The following ZNF469 variants were observed in gnomAD, a reference collection of about 807,000 sequenced individuals.
The protein encoded by ZNF469 is zinc finger protein 469.
In ZNF469, 1 loss-of-function variant was observed where a neutral mutation model predicts 1.0. The ratio of observed to expected loss-of-function variants is 1.00; its 90% CI spans 0.35 to 4.73. ZNF469 has a LOEUF of 4.73. Among genes scored for constraint, ZNF469 ranks in the 30% most tolerant of loss-of-function variants. The pLI, the probability that ZNF469 is intolerant of heterozygous loss-of-function variation, is 0.16. For synonymous variants in ZNF469, 2,703 were observed against 2,363.4 expected (o/e 1.14, Z -4.17); for missense variants, 6,100 against 5,356.3 (o/e 1.14, Z -4.33).
Position 88,428,937 on chromosome 16 carries a change from G to C in ZNF469, c.1467G>C (p.Pro489=). The C allele has an allele frequency of 6.5e-7, 1 of 1,546,502 alleles. No homozygotes were observed. Among genetic ancestry groups the C allele is most frequent in the Middle Eastern group, 1.7e-4 (1 of 5,986 alleles). Reference sequence around the variant, plus strand: ...CCCTGCCTTGGCCCCAAGTGCTCCCGACCGCCCGGCCAAGTCCCCACGGAA... The same window carrying C: ...CCCTGCCTTGGCCCCAAGTGCTCCCCACCGCCCGGCCAAGTCCCCACGGAA... ...SAPLPWPQVL[P]TARPSPHGME... is the part of the protein sequence containing the mutation. Residue 489 remains proline, a synonymous_variant, in exon 3 of 3, where the codon CCG becomes CCC. Transcript: ENST00000565624.
chr16:88,304,097 G>A, the ZNF469 span, among the ~76,000 whole-genome samples: 1 of 152,198 alleles, frequency 6.6e-6, no homozygotes, highest in African/African-American at 2.4e-5. Flanking sequence ...TGTTCTGGGA[G>A]GAGGACTTGC....
chr16:88,390,521 G>A (rs1287553902), intron 1 of ZNF469, among the ~76,000 whole-genome samples: 1 of 152,206 alleles, frequency 6.6e-6, no homozygotes, highest in Non-Finnish European at 1.5e-5. Flanking sequence ...AGTCTCACTT[G>A]GACACAACCT....
chr16:88,431,883 C>T lies in ZNF469; in HGVS notation c.4413C>T (p.Ser1471=), dbSNP rs776873127. 2 of 1,550,096 alleles carry T rather than the reference C, an allele frequency of 1.3e-6. No individual in the cohort carries two copies. The highest frequency in any genetic ancestry group is 2.4e-5 in the South Asian group (2 of 84,050). Residue 1471 remains serine, a synonymous_variant, in exon 3 of 3, where the codon AGC becomes AGT. Transcript: ENST00000565624. ...VDRFDPPLYG[S]LSANRDSGLP... ...GATTCGACCCACCCCTCTATGGCAG[C>T]CTGTCTGCGAACAGGGACTCCGGTC...
chr16:88,302,122 C>T, the ZNF469 span, among the ~76,000 whole-genome samples: 1 of 152,188 alleles, frequency 6.6e-6, no homozygotes, highest in African/African-American at 2.4e-5. Flanking sequence ...TCGGTCAGGA[C>T]AGTGGCCCTG....
At chr16:88,183,690 C>T in the ZNF469 span, among the ~76,000 whole-genome samples, 9 of 152,206 alleles carry the variant, frequency 5.9e-5, no homozygotes, top group African/African-American at 2.2e-4. Flanking sequence ...CCACTCTGGA[C>T]ACTTACCAAG....
Position 88,428,909 on chromosome 16 carries a change from C to G in ZNF469, c.1439C>G (p.Ala480Gly), listed in dbSNP as rs1209626070. ...CAGCGGCTCTGCCTCCCCCAGAGTG[C>G]CCCCCTGCCTTGGCCCCAAGTGCTC... ...PGQRLCLPQS[A>G]PLPWPQVLPT... The change falls in exon 3 of 3, where the codon GCC (alanine) becomes GGC (glycine). Residue 480 changes from alanine (A) to glycine (G), a missense_variant. Ala to Gly is a moderately conservative substitution (Grantham distance 60). Transcript: ENST00000565624. The G allele has an allele frequency of 2.6e-6, 4 of 1,545,770 alleles. No homozygotes were observed. The highest frequency in any genetic ancestry group is 3.9e-5 in the Admixed American group (2 of 50,844).
chr16:88,172,408 G>T, the ZNF469 span, among the ~76,000 whole-genome samples: 1 of 152,300 alleles, frequency 6.6e-6, no homozygotes, highest in East Asian at 1.9e-4. Flanking sequence ...GAGAAATGGT[G>T]GTAAATTAGC....
chr16:88,297,637 G>A, the ZNF469 span, among the ~76,000 whole-genome samples: 1 of 152,158 alleles, frequency 6.6e-6, no homozygotes, highest in Admixed American at 6.5e-5. Flanking sequence ...CTCCAGGGCC[G>A]GCATCTTCAT....
At chr16:88,283,729 C>T in the ZNF469 span, among the ~76,000 whole-genome samples, 1 of 152,240 alleles carries the variant, frequency 6.6e-6, no homozygotes. Context: ...ACCAAGGTAG[C>T]TCAGCTGTGA....
At chr16:88,183,823 C>T in the ZNF469 span, among the ~76,000 whole-genome samples, 96 of 152,218 alleles carry the variant, frequency 6.3e-4, no homozygotes, top group Middle Eastern at 3.4e-3. Flanking sequence ...AGGGGGCGCA[C>T]GGTGAAAAGG....
At chr16:88,225,684 G>A in the ZNF469 span, among the ~76,000 whole-genome samples, 10 of 152,136 alleles carry the variant, frequency 6.6e-5, no homozygotes, top group Admixed American at 3.3e-4. Flanking sequence ...GGTGGGATTG[G>A]TGTCCTTACA....
At chr16:88,289,994 CTCTG>C in the ZNF469 span, among the ~76,000 whole-genome samples, 6 of 152,202 alleles carry the variant, frequency 3.9e-5, no homozygotes, top group East Asian at 1.9e-4. Context: ...ACAGGAGACA[CTCTG>C]TCTGGGCACT....
chr16:88,214,096 G>C, the ZNF469 span, among the ~76,000 whole-genome samples: 1 of 152,146 alleles, frequency 6.6e-6, no homozygotes, highest in African/African-American at 2.4e-5. Flanking sequence ...TCCTCTCTTC[G>C]CTTAACAGGG....
In ZNF469 at chr16:88,430,355, G is replaced by A; in HGVS notation, c.2885G>A (p.Gly962Asp). 6.6e-7 allele frequency: 1 copy of A among 1,512,436 alleles called. No homozygotes were observed. The highest frequency in any genetic ancestry group is 8.8e-7 in the Non-Finnish European group (1 of 1,134,924). 93.7% of individuals were successfully genotyped at this position (1,512,436 alleles called of 1,614,324 possible). A position where few individuals can be genotyped will look rare whatever the true frequency, so the allele number is the denominator to read the frequency against. ...TTCCGGAAGGATCTGGACTCGGGCG[G>A]CGCAGCAGAGGGGTCGGGGTCGGGC... Reference protein sequence around the residue: ...KLFRKDLDSGGAAEGSGSGGG... With the variant: ...KLFRKDLDSGDAAEGSGSGGG... The change falls in exon 3 of 3, where the codon GGC becomes GAC. Residue 962 changes from glycine to aspartate, a missense_variant. Coordinates refer to ENST00000565624, the MANE Select transcript of ZNF469 (RefSeq NM_001367624.2).
the ZNF469 span, among the ~76,000 whole-genome samples, chr16:88,321,578 C>T: frequency 6.6e-6 from 1 of 151,992 alleles, no homozygotes; most frequent in African/African-American, 2.4e-5. Flanking sequence ...CCCTCGGATT[C>T]TGCTCATAAG....
chr16:88,237,836 C>A, the ZNF469 span, among the ~76,000 whole-genome samples: 1 of 152,034 alleles, frequency 6.6e-6, no homozygotes, highest in Non-Finnish European at 1.5e-5. Flanking sequence ...CTGCCAGTCA[C>A]CCTCTGCCCA....
At chr16:88,109,321 A>G in the ZNF469 span, among the ~76,000 whole-genome samples, 570 of 152,322 alleles carry the variant, frequency 3.7e-3, 2 homozygotes, top group African/African-American at 0.013. Flanking sequence ...CCCCCTGTCC[A>G]GGCCCACTTT....
the ZNF469 span, among the ~76,000 whole-genome samples, chr16:88,173,258 TGA>T: frequency 2.6e-5 from 4 of 152,114 alleles, no homozygotes; most frequent in Non-Finnish European, 5.9e-5. Context: ...GAAGAAAATA[TGA>T]GAGACAGCAG....
At chr16:88,244,822 G>A in the ZNF469 span, among the ~76,000 whole-genome samples, 1 of 148,422 alleles carries the variant, frequency 6.7e-6, no homozygotes, top group East Asian at 2.0e-4. Context: ...TATATGCCCA[G>A]TGGCATGGCT....
Sources: gnomAD v4.1 joint callset for allele counts (sites outside exome capture counted in the v4.1 genomes callset) on GRCh38, gnomAD v4.1.1 for gene constraint, MANE v1.5 for transcripts, NCBI Gene and HGNC (gene_info 2026-07-23, HGNC 2026-07-21) for gene names.